Variants in FBXW7 observed in about 807,000 individuals in gnomAD.
The protein encoded by FBXW7 is F-box/WD repeat-containing protein 7.
FBXW7 carries 11 observed loss-of-function variants against 86.3 expected under a neutral mutation model. The ratio of observed to expected loss-of-function variants is 0.13; its 90% confidence interval spans 0.08 to 0.21. The LOEUF (loss-of-function observed/expected upper bound fraction) is 0.21, where lower values mean the gene tolerates loss of function less well. Among genes scored for constraint, FBXW7 ranks in the 10% least tolerant of loss-of-function variants. FBXW7 has a pLI of 1.00. For synonymous variants in FBXW7, 313 were observed against 297.9 expected (o/e 1.05, Z -0.52); for missense variants, 488 against 847.4 (o/e 0.58, Z 5.27).
intron 4 of FBXW7, among the ~76,000 whole-genome samples, chr4:152,365,313 A>T (rs914465599): frequency 1.3e-5 from 2 of 152,164 alleles, no homozygotes; most frequent in African/African-American, 4.8e-5. Context: ...CTAATGCTGC[A>T]TAGTAGTTAA....
intron 2 of FBXW7, among the ~76,000 whole-genome samples, chr4:152,518,257 G>A (rs932758760): frequency 2.6e-5 from 4 of 152,024 alleles, no homozygotes; most frequent in African/African-American, 9.7e-5. Context: ...CCAATGTGCT[G>A]GGATTACAGC....
rs1728571388 is a variant in FBXW7, at chr4:152,321,694, TTTAA to T, written c.*1183_*1186del. 2 of 232,864 alleles carry T rather than the reference TTTAA, an allele frequency of 8.6e-6. No individual in the cohort carries two copies. Among genetic ancestry groups the T allele is most frequent in the Admixed American group, 5.6e-5 (1 of 17,754 alleles). 14.4% of individuals were successfully genotyped at this position (232,864 alleles called of 1,614,324 possible). A position where few individuals can be genotyped will look rare whatever the true frequency, so the allele number is the denominator to read the frequency against. ...CACTAAGACTGACCAGCAACTTTAT[TTTAA>T]TTTTGTGTTTTATATATTTTTAAAA... On this transcript the variant is annotated 3_prime_UTR_variant, in exon 14 of 14. Transcript: ENST00000281708.
intron 2 of FBXW7, among the ~76,000 whole-genome samples, chr4:152,446,815 T>TC (rs1741445434): frequency 6.6e-6 from 1 of 152,230 alleles, no homozygotes. Flanking sequence ...TATCCATGAT[T>TC]AATTTGCTGG....
chr4:152,405,095 TAAAAAAA>T (rs11394424), intron 4 of FBXW7, among the ~76,000 whole-genome samples: 5 of 79,052 alleles, frequency 6.3e-5, no homozygotes, highest in East Asian at 3.9e-4. Context: ...GACCTTGTCT[TAAAAAAA>T]AAAAAAAAAA....
At chr4:152,396,115 G>C (rs1579086234) in intron 4 of FBXW7, among the ~76,000 whole-genome samples, 1 of 151,820 alleles carries the variant, frequency 6.6e-6, no homozygotes, top group East Asian at 1.9e-4. Context: ...AATCATTCCA[G>C]GTTAGTAAAT....
At chr4:152,500,354 C>T (rs922137409) in intron 2 of FBXW7, among the ~76,000 whole-genome samples, 2 of 152,046 alleles carry the variant, frequency 1.3e-5, no homozygotes, top group African/African-American at 4.8e-5. Context: ...GCTACTTGAA[C>T]GAGAACAATG....
chr4:152,336,562 T>TG (rs1730140108), intron 7 of FBXW7, among the ~76,000 whole-genome samples: 1 of 152,026 alleles, frequency 6.6e-6, no homozygotes, highest in Non-Finnish European at 1.5e-5. Flanking sequence ...GTCAAATACT[T>TG]ATGTAAGTGT....
At chr4:152,516,932 C>A (rs1748547149) in intron 2 of FBXW7, among the ~76,000 whole-genome samples, 1 of 152,244 alleles carries the variant, frequency 6.6e-6, no homozygotes, top group Non-Finnish European at 1.5e-5. Flanking sequence ...TTCAAGCAAT[C>A]CTCCTGCCTC....
intron 2 of FBXW7, among the ~76,000 whole-genome samples, chr4:152,497,656 A>G (rs186076927): frequency 3.5e-4 from 53 of 152,314 alleles, no homozygotes; most frequent in African/African-American, 1.2e-3. Flanking sequence ...TTGATAAAAA[A>G]AAGTGTGGAA....
chr4:152,429,399 G>A, intron 2 of FBXW7, among the ~76,000 whole-genome samples: 1 of 151,840 alleles, frequency 6.6e-6, no homozygotes, highest in Non-Finnish European at 1.5e-5. Context: ...GGGAGGAGAG[G>A]GGAGAAGGCT....
rs6820601 is a variant in FBXW7, at chr4:152,454,261, C to T, written c.-119-41732G>A. ...AGAGTAACTCTCTAAGCCCCCCCCC[C>T]CTTTTTTTTTTTTTTCCACGCCAAT... On this transcript the variant is annotated intron_variant, in intron 2 of 13. Transcript: ENST00000281708. 5.6e-4 allele frequency among the ~76,000 whole-genome samples: 73 copies of T among 129,520 alleles called. 1 individual carries two copies. Among genetic ancestry groups the T allele is most frequent in the African/African-American group, 2.0e-3 (70 of 35,752 alleles). The allele number at this position is 129,520 out of a possible 152,430, so 85.0% of individuals were successfully genotyped here.
intron 2 of FBXW7, among the ~76,000 whole-genome samples, chr4:152,441,469 CATAA>C (rs1343974347): frequency 1.3e-5 from 2 of 152,130 alleles, no homozygotes; most frequent in Non-Finnish European, 2.9e-5. Flanking sequence ...ATAAGACCAA[CATAA>C]ATGAGTGAAG....
At chr4:152,368,280 A>G (rs932943093) in intron 4 of FBXW7, among the ~76,000 whole-genome samples, 3 of 152,126 alleles carry the variant, frequency 2.0e-5, no homozygotes, top group East Asian at 1.9e-4. Context: ...GCTAATATGA[A>G]AACAGCAGAA....
intron 2 of FBXW7, among the ~76,000 whole-genome samples, chr4:152,490,817 G>A (rs1745778295): frequency 6.6e-6 from 1 of 152,118 alleles, no homozygotes; most frequent in Non-Finnish European, 1.5e-5. Context: ...TATTACTTAT[G>A]AGCTCACACC....
At chr4:152,324,421 A>G (rs2126481353) in intron 12 of FBXW7, 27 bp from the exon 13 acceptor site, 1 of 1,517,972 alleles carries the variant, frequency 6.6e-7, no homozygotes. Context: ...TTATTAGAAT[A>G]GAAGTATGGA....
chr4:152,467,772 C>A (rs1011939728), intron 2 of FBXW7, among the ~76,000 whole-genome samples: 2 of 152,100 alleles, frequency 1.3e-5, no homozygotes, highest in Non-Finnish European at 2.9e-5. Context: ...AAAAACAAAT[C>A]TGCAATATAA....
At chr4:152,401,771 CA>C (rs1258082825) in intron 4 of FBXW7, among the ~76,000 whole-genome samples, 1 of 152,074 alleles carries the variant, frequency 6.6e-6, no homozygotes, top group African/African-American at 2.4e-5. Context: ...ATGTGTGCAC[CA>C]GGGGGCATAT....
At chr4:152,476,597 A>G (rs1335632840) in intron 2 of FBXW7, among the ~76,000 whole-genome samples, 2 of 152,196 alleles carry the variant, frequency 1.3e-5, no homozygotes, top group Non-Finnish European at 2.9e-5. Flanking sequence ...AGAACTCTCA[A>G]ACTCAACAAT....
At chr4:152,352,651 T>G (rs1560793870) in intron 4 of FBXW7, 1 of 1,613,576 alleles carries the variant, frequency 6.2e-7, no homozygotes, top group Non-Finnish European at 8.5e-7. Context: ...AAAAGGAAGA[T>G]TAGGGAGCAG....
Sources: allele counts gnomAD v4.1 joint callset (sites outside exome capture counted in the v4.1 genomes callset), GRCh38; gene constraint gnomAD v4.1.1; transcripts MANE v1.5; gene names NCBI Gene and HGNC (gene_info 2026-07-23, HGNC 2026-07-21).